The following TACC1 variants were observed in gnomAD, a reference collection of about 807,000 sequenced individuals.
The protein encoded by TACC1 is transforming acidic coiled-coil-containing protein 1.
A neutral mutation model predicts 84.4 loss-of-function variants in TACC1; 48 were observed. The ratio of observed to expected loss-of-function variants is 0.57; its 90% CI spans 0.45 to 0.72. The LOEUF is 0.72. TACC1 is among the 30% of genes least tolerant of loss of function. TACC1 has a pLI of 0.00. For synonymous variants in TACC1, 372 were observed against 376.3 expected (o/e 0.99, Z 0.13); for missense variants, 920 against 973.0 (o/e 0.95, Z 0.72).
intron 3 of TACC1, among the ~76,000 whole-genome samples, chr8:38,779,479 C>T (rs1369884290): frequency 6.6e-6 from 1 of 152,246 alleles, no homozygotes; most frequent in East Asian, 1.9e-4. Flanking sequence ...CTTTTCCACC[C>T]TCCGGGTGTC....
At chr8:38,824,155 T>C in intron 3 of TACC1, 2 of 726,988 alleles carry the variant, frequency 2.8e-6, no homozygotes, top group Non-Finnish European at 4.3e-6. Flanking sequence ...TTTTTTGCAT[T>C]TCATCAGTCA....
At chr8:38,737,060 G>A (rs1806105659) in intron 1 of TACC1, among the ~76,000 whole-genome samples, 2 of 152,176 alleles carry the variant, frequency 1.3e-5, no homozygotes, top group South Asian at 2.1e-4. Flanking sequence ...GAATTGGGAG[G>A]CCCTAAGAAA....
intron 2 of TACC1, among the ~76,000 whole-genome samples, chr8:38,789,058 C>G (rs994744551): frequency 1.3e-5 from 2 of 152,102 alleles, no homozygotes; most frequent in Admixed American, 6.6e-5. Flanking sequence ...CCTACTAGGC[C>G]TTTCTCCTCA....
At chr8:38,755,640 G>A (rs188643761) in intron 3 of TACC1, among the ~76,000 whole-genome samples, 4 of 151,568 alleles carry the variant, frequency 2.6e-5, no homozygotes, top group Admixed American at 2.0e-4. Context: ...GGAGTTCAAG[G>A]CTCCAGTGAG....
At chr8:38,813,303 T>G (rs1824661214) in intron 2 of TACC1, among the ~76,000 whole-genome samples, 1 of 152,216 alleles carries the variant, frequency 6.6e-6, no homozygotes, top group African/African-American at 2.4e-5. Flanking sequence ...TCAAGGAGAC[T>G]ACAAGAAACT....
intron 3 of TACC1, among the ~76,000 whole-genome samples, chr8:38,822,245 TAAAAAAAAA>T (rs139176772): frequency 8.4e-6 from 1 of 119,022 alleles, no homozygotes; most frequent in Non-Finnish European, 1.7e-5. Flanking sequence ...ACCCTGTCTT[TAAAAAAAAA>T]AAAAAAAAAA....
chr8:38,840,122 G>T (rs1588132307), intron 8 of TACC1, 102 bp from the exon 9 acceptor site: 16 of 673,246 alleles, frequency 2.4e-5, no homozygotes, highest in Non-Finnish European at 3.5e-5. Flanking sequence ...TACATACATT[G>T]TCAGTGTATG....
chr8:38,746,295 C>T (rs765931699), intron 3 of TACC1, among the ~76,000 whole-genome samples: 1 of 152,136 alleles, frequency 6.6e-6, no homozygotes, highest in Non-Finnish European at 1.5e-5. Flanking sequence ...TGGAAAGCCC[C>T]CTTTTTTGGT....
chr8:38,833,236 G>C (rs886221712), intron 6 of TACC1, among the ~76,000 whole-genome samples: 1 of 152,178 alleles, frequency 6.6e-6, no homozygotes, highest in African/African-American at 2.4e-5. Context: ...TCTGTCTCTA[G>C]TGATAAGCGG....
chr8:38,811,969 C>T (rs1164951232), intron 2 of TACC1, among the ~76,000 whole-genome samples: 2 of 152,032 alleles, frequency 1.3e-5, no homozygotes, highest in Non-Finnish European at 2.9e-5. Flanking sequence ...GAATGCATTC[C>T]TGGGGGGAGG....
At chr8:38,847,476 A>G (rs185217411) in intron 12 of TACC1, among the ~76,000 whole-genome samples, 26 of 152,256 alleles carry the variant, frequency 1.7e-4, no homozygotes, top group Admixed American at 2.6e-4. Flanking sequence ...TCTCCGGTGT[A>G]TTTTCTTTAC....
chr8:38,798,807 C>T (rs1820639403), intron 2 of TACC1, among the ~76,000 whole-genome samples: 1 of 152,128 alleles, frequency 6.6e-6, no homozygotes, highest in South Asian at 2.1e-4. Flanking sequence ...AGCTATGCAG[C>T]CCATACCCTT....
intron 2 of TACC1, among the ~76,000 whole-genome samples, chr8:38,791,190 A>C (rs1036901528): frequency 2.6e-5 from 4 of 152,176 alleles, no homozygotes; most frequent in African/African-American, 9.7e-5. Context: ...TGGATGACCT[A>C]GGCCCCCAAA....
chr8:38,773,593 T>TATCTATCTAG (rs1563381969), intron 3 of TACC1, among the ~76,000 whole-genome samples: 1 of 113,380 alleles, frequency 8.8e-6, no homozygotes. Flanking sequence ...TATCTAGCTA[T>TATCTATCTAG]CTATCTATCT....
chr8:38,781,600 C>T (rs1257703120), intron 3 of TACC1, among the ~76,000 whole-genome samples: 5 of 152,144 alleles, frequency 3.3e-5, no homozygotes, highest in African/African-American at 9.6e-5. Context: ...AGGCTGGTCT[C>T]GAACTCCTGA....
chr8:38,738,096 C>T (rs908083221), intron 1 of TACC1, among the ~76,000 whole-genome samples: 2 of 152,022 alleles, frequency 1.3e-5, no homozygotes, highest in Non-Finnish European at 2.9e-5. Flanking sequence ...TCACAGAGCA[C>T]AATTTTTGTG....
intron 7 of TACC1, among the ~76,000 whole-genome samples, chr8:38,837,468 C>G (rs1010966959): frequency 3.9e-5 from 6 of 152,012 alleles, no homozygotes; most frequent in Non-Finnish European, 5.9e-5. Flanking sequence ...ACTCTGTCAC[C>G]CAGGCTGAGT....
intron 3 of TACC1, among the ~76,000 whole-genome samples, chr8:38,770,445 C>G (rs1232858967): frequency 6.6e-6 from 1 of 152,092 alleles, no homozygotes; most frequent in Non-Finnish European, 1.5e-5. Flanking sequence ...CATTCGGAAA[C>G]CCTCTTGGGA....
rs1052712194 is a variant in TACC1, at chr8:38,851,680, G to C, written c.*3657G>C. ...TCATGTGATTGTGAGCTTGCTTTCT[G>C]ACTTGCATTTCTGACTTTATCCTGT... On this transcript the variant is annotated 3_prime_UTR_variant, in exon 13 of 13. Coordinates refer to ENST00000317827, the MANE Select transcript of TACC1 (RefSeq NM_006283.3). The C allele has an allele frequency of 2.5e-5, 7 of 281,312 alleles. No individual in the cohort carries two copies. The highest frequency in any genetic ancestry group is 6.6e-5 in the African/African-American group (3 of 45,182). The allele number at this position is 281,312 out of a possible 1,614,324, so 17.4% of individuals were successfully genotyped here.
Sources: allele counts gnomAD v4.1 joint callset (sites outside exome capture counted in the v4.1 genomes callset), GRCh38; gene constraint gnomAD v4.1.1; transcripts MANE v1.5; gene names NCBI Gene and HGNC (gene_info 2026-07-23, HGNC 2026-07-21).